GNAS: variants seen among roughly 807,000 people sequenced by gnomAD.
GNAS encodes the protein GNAS complex locus.
GNAS carries 8 observed loss-of-function variants against 54.5 expected under a neutral mutation model. The observed-to-expected ratio is 0.15, with a 90% confidence interval of 0.09 to 0.26. The LOEUF (loss-of-function observed/expected upper bound fraction) is 0.26, where lower values mean the gene tolerates loss of function less well. GNAS is among the 10% of genes least tolerant of loss of function. The pLI, the probability that GNAS is intolerant of heterozygous loss-of-function variation, is 1.00. For synonymous variants in GNAS, 204 were observed against 191.4 expected (o/e 1.07, Z -0.54); for missense variants, 170 against 529.8 (o/e 0.32, Z 6.67).
At chr20:58,896,630 A>G in intron 2 of GNAS, among the ~76,000 whole-genome samples, 1 of 151,732 alleles carries the variant, frequency 6.6e-6, no homozygotes, top group African/African-American at 2.4e-5. Flanking sequence ...GTAAAAAAAA[A>G]AAAAGAAAAA....
Position 58,911,051 on chromosome 20 carries a change from A to G in GNAS, c.*222A>G. On this transcript the variant is annotated 3_prime_UTR_variant, in exon 13 of 13. Transcript: ENST00000371085. ...TACAGAAAAAGGAAAAAAGGCCACA[A>G]AAGTTCCCTCTCACTTTCAGTAAAA... is the stretch of plus-strand genomic sequence containing the variant. 1 of 675,868 alleles carries G rather than the reference A, an allele frequency of 1.5e-6. No homozygotes were observed. Among genetic ancestry groups the G allele is most frequent in the South Asian group, 1.5e-5 (1 of 66,072 alleles). The allele number at this position is 675,868 out of a possible 1,614,324, so 41.9% of individuals were successfully genotyped here.
intron 3 of GNAS, among the ~76,000 whole-genome samples, chr20:58,901,084 C>G (rs1334595767): frequency 6.6e-6 from 1 of 152,084 alleles, no homozygotes; most frequent in East Asian, 1.9e-4. Flanking sequence ...ATTTAGTACC[C>G]GAATGTATTT....
At chr20:58,905,267 A>T (rs1194068216) in intron 5 of GNAS, 116 bp from the exon 6 acceptor site, 1 of 724,466 alleles carries the variant, frequency 1.4e-6, no homozygotes, top group African/African-American at 1.7e-5. Context: ...CTCAAAATTC[A>T]AAATCACACC....
intron 1 of GNAS, among the ~76,000 whole-genome samples, chr20:58,866,639 C>A (rs1441213788): frequency 6.6e-6 from 1 of 152,058 alleles, no homozygotes; most frequent in African/African-American, 2.4e-5. Flanking sequence ...CATTTTTGCC[C>A]CCATTTGGTC....
rs752813109 is a variant in GNAS at position 58,853,448 on chromosome 20, C to T, written c.43+12562C>T. 1.1e-5 allele frequency: 18 copies of T among 1,610,672 alleles called. No individual in the cohort carries two copies. Among genetic ancestry groups the T allele is most frequent in the South Asian group, 4.4e-5 (4 of 90,660 alleles). On this transcript the variant is annotated intron_variant, in intron 1 of 12. Coordinates refer to the GNAS transcript ENST00000306090. This position sits in a 1 kb window ranked among gnomAD's most constrained non-coding sequence, Gnocchi z 4.4. ...CGCCTCACAACGAGCCCATCCCCGT[C>T]GAGAATGATGGCGAGGCCTGTGGAC... is the stretch of plus-strand genomic sequence containing the variant.
chr20:58,847,538 G>A (rs559449548), intron 1 of GNAS, among the ~76,000 whole-genome samples: 1 of 152,352 alleles, frequency 6.6e-6, no homozygotes, highest in African/African-American at 2.4e-5. Flanking sequence ...AAGCTTCATA[G>A]TTGCCTAAAT....
At chr20:58,840,044 G>A (rs917606178), upstream of GNAS, 13 of 1,576,832 alleles carry the variant, frequency 8.2e-6, no homozygotes, top group Non-Finnish European at 1.0e-5. This position sits in a 1 kb window ranked among gnomAD's most constrained non-coding sequence, Gnocchi z 6.0. Flanking sequence ...CAGCCAATGT[G>A]CTTCGGAGCC....
intron 1 of GNAS, among the ~76,000 whole-genome samples, chr20:58,894,155 TTAAAA>T (rs1352223545): frequency 1.3e-5 from 2 of 152,252 alleles, no homozygotes; most frequent in African/African-American, 2.4e-5. Context: ...TACAATGATC[TTAAAA>T]TAATTTTTCA....
rs1362557870 is a variant in GNAS at position 58,853,320 on chromosome 20, C to A, written c.43+12434C>A. ...TAATATGTCAGGACAACGCGATATCCCCCCTGAAATCGGGGAACAGCCCGA... is the reference window on the plus strand; with the variant it reads ...TAATATGTCAGGACAACGCGATATCACCCCTGAAATCGGGGAACAGCCCGA... On this transcript the variant is annotated intron_variant, in intron 1 of 12. Coordinates refer to the GNAS transcript ENST00000306090. This position sits in a 1 kb window ranked among gnomAD's most constrained non-coding sequence, Gnocchi z 4.4. The A allele has an allele frequency of 3.2e-6, 5 of 1,550,132 alleles. No individual in the cohort carries two copies. Among genetic ancestry groups the A allele is most frequent in the Non-Finnish European group, 4.4e-6 (5 of 1,146,494 alleles).
upstream of GNAS, chr20:58,888,682 G>C (rs1050990409): frequency 1.3e-5 from 2 of 152,138 alleles, no homozygotes; most frequent in African/African-American, 4.8e-5. Context: ...AGCAGGGGAG[G>C]CTTTGCACTC....
chr20:58,842,453 G>C, intron 1 of GNAS: 1 of 398,630 alleles, frequency 2.5e-6, no homozygotes, highest in East Asian at 3.6e-5. Flanking sequence ...CTTCCTTCCA[G>C]GACCTATTCC....
intron 1 of GNAS, among the ~76,000 whole-genome samples, chr20:58,871,915 C>T (rs767378576): frequency 1.2e-4 from 18 of 152,082 alleles, no homozygotes; most frequent in Non-Finnish European, 2.1e-4. Flanking sequence ...GGGGGTGGAG[C>T]GCTGCCAAGG....
chr20:58,910,434 G>A lies in GNAS; in HGVS notation c.1038+33G>A, dbSNP rs750591933. The A allele has an allele frequency of 8.7e-6, 13 of 1,495,708 alleles. No homozygotes were observed. The highest frequency in any genetic ancestry group is 1.2e-5 in the Non-Finnish European group (13 of 1,072,326). The allele number at this position is 1,495,708 out of a possible 1,614,324, so 92.7% of individuals were successfully genotyped here. A position where few individuals can be genotyped will look rare whatever the true frequency, so the allele number is the denominator to read the frequency against. On this transcript the variant is annotated intron_variant, in intron 12 of 12. Transcript: ENST00000371085. This position sits in a 1 kb window ranked among gnomAD's most constrained non-coding sequence, Gnocchi z 5.8. ...GAGCCTGTCTTTAGTTTCCTCTCTT[G>A]TTCCTCCTCTTTTTCTCATGGATGT...
At chr20:58,862,276 G>A (rs1008195736) in intron 1 of GNAS, among the ~76,000 whole-genome samples, 3 of 152,010 alleles carry the variant, frequency 2.0e-5, no homozygotes, top group Non-Finnish European at 4.4e-5. Context: ...TCCTGTCTCA[G>A]CCTCCCCAGT....
At chr20:58,874,592 C>CATCTTAGCTCCTGGCCTGCCTTCT (rs2087670188) in intron 1 of GNAS, among the ~76,000 whole-genome samples, 1 of 150,670 alleles carries the variant, frequency 6.6e-6, no homozygotes, top group East Asian at 1.9e-4. Context: ...TCTAGCCTTA[C>CATCTTAGCTCCTGGCCTGCCTTCT]ATCTTAGCTC....
At chr20:58,855,300 G>T in intron 1 of GNAS, 1 of 1,581,762 alleles carries the variant, frequency 6.3e-7, no homozygotes. Flanking sequence ...CGAAAAGATG[G>T]GCTACATGTG....
At position 58,909,605 on chromosome 20, in the gene GNAS, C is replaced by T. The variant is rs748220077; in HGVS notation, c.718+26C>T. 6.8e-6 allele frequency: 11 copies of T among 1,613,920 alleles called. No individual in the cohort carries two copies. Among genetic ancestry groups the T allele is most frequent in the Admixed American group, 6.7e-5 (4 of 59,996 alleles). On this transcript the variant is annotated intron_variant, in intron 9 of 12. Transcript: ENST00000371085. This position sits in a 1 kb window ranked among gnomAD's most constrained non-coding sequence, Gnocchi z 7.3. ...GTAGGATGCTGTGGGCTTGGCTGTT[C>T]GTAAAGAACGCTTTGCTTCTGTGTT...
Position 58,898,974 on chromosome 20 carries a change from C to G in GNAS, c.246C>G (p.Ser82Arg), listed in dbSNP as rs1569001766. ...AAGAGGACCCGCAGGCTGCAAGGAG[C>G]AACAGCGATGGGTAGGCACATTCAA... Reference protein sequence around the residue: ...GGEEDPQAARSNSDGEKATKV... With the variant: ...GGEEDPQAARRNSDGEKATKV... Residue 82 changes from serine (S) to arginine (R), a missense_variant, in exon 3 of 13, where the codon AGC (serine) becomes AGG (arginine). Coordinates refer to ENST00000371085, the MANE Select transcript of GNAS (RefSeq NM_000516.7). 10 of 1,613,062 alleles carry G rather than the reference C, an allele frequency of 6.2e-6. No homozygotes were observed. The highest frequency in any genetic ancestry group is 7.6e-6 in the Non-Finnish European group (9 of 1,179,202).
upstream of GNAS, chr20:58,840,223 C>T (rs558969394): frequency 1.2e-6 from 2 of 1,610,908 alleles, no homozygotes; most frequent in African/African-American, 1.3e-5. This position sits in a 1 kb window ranked among gnomAD's most constrained non-coding sequence, Gnocchi z 6.0. Context: ...CCTGCTCCAT[C>T]GCGCTCCTCC....
Sources: allele counts gnomAD v4.1 joint callset (sites outside exome capture counted in the v4.1 genomes callset), GRCh38; gene constraint gnomAD v4.1.1; non-coding constraint Gnocchi (gnomAD v3.1); transcripts MANE v1.5; gene names NCBI Gene and HGNC (gene_info 2026-07-23, HGNC 2026-07-21).